CYP2B6: variants seen among roughly 807,000 people sequenced by gnomAD.
The protein encoded by CYP2B6 is cytochrome P450 family 2 subfamily B member 6.
In CYP2B6, 35 loss-of-function variants were observed where a neutral mutation model predicts 43.4. The ratio of observed to expected loss-of-function variants is 0.81; its 90% CI spans 0.62 to 1.07. The LOEUF (loss-of-function observed/expected upper bound fraction) is 1.07. CYP2B6 is among the 50% of genes least tolerant of loss of function. CYP2B6 has a pLI of 0.00. For synonymous variants in CYP2B6, 239 were observed against 239.2 expected (o/e 1.00, Z 0.01); for missense variants, 624 against 632.8 (o/e 0.99, Z 0.15).
At chr19:41,002,858 C>T (rs759274337) in intron 1 of CYP2B6, among the ~76,000 whole-genome samples, 4 of 152,052 alleles carry the variant, frequency 2.6e-5, no homozygotes, top group Non-Finnish European at 5.9e-5. Context: ...TGTGTTTGAA[C>T]TTCATACACA....
At chr19:41,004,598 G>A (rs896917373) in intron 3 of CYP2B6, 152 bp downstream of exon 3, 13 of 910,946 alleles carry the variant, frequency 1.4e-5, no homozygotes, top group Non-Finnish European at 1.6e-5. Context: ...AGACAGAGAG[G>A]GAGAGAGACA....
chr19:41,002,431 A>G (rs561011801), intron 1 of CYP2B6, among the ~76,000 whole-genome samples: 2 of 152,274 alleles, frequency 1.3e-5, no homozygotes, highest in East Asian at 3.9e-4. Flanking sequence ...TGTAATTGAC[A>G]TGCAGGCCAA....
At chr19:41,007,894 G>A (rs567666321) in intron 4 of CYP2B6, among the ~76,000 whole-genome samples, 193 of 152,140 alleles carry the variant, frequency 1.3e-3, no homozygotes, top group African/African-American at 4.5e-3. Context: ...CTAAAGTGCT[G>A]GAATTACAGG....
intron 1 of CYP2B6, among the ~76,000 whole-genome samples, chr19:41,002,165 C>T (rs1234930620): frequency 2.6e-5 from 4 of 151,944 alleles, no homozygotes; most frequent in African/African-American, 7.3e-5. Flanking sequence ...ATATTGTAGG[C>T]CTTGGTGAGC....
intron 8 of CYP2B6, among the ~76,000 whole-genome samples, chr19:41,014,796 CAG>C (rs1303972531): frequency 9.1e-4 from 133 of 146,570 alleles, no homozygotes; most frequent in African/African-American, 3.0e-3. Context: ...GAGAGAGACA[CAG>C]AGAGAGAGAG....
rs573872243 is a variant in CYP2B6 at position 41,003,924 on chromosome 19, A to G, written c.172-77A>G. 112 of 1,548,346 alleles carry G rather than the reference A, an allele frequency of 7.2e-5. 2 individuals are homozygous for G. The South Asian group carries it at 8.3e-4, about 11-fold the overall frequency. On this transcript the variant is annotated intron_variant, in intron 1 of 8. Coordinates refer to ENST00000324071, the MANE Select transcript of CYP2B6 (RefSeq NM_000767.5). ...GGGAGGGGCTAATTACCAATCTGGT[A>G]TGTAAGTATTTTGATAGTTTTACAA...
chr19:41,009,964 C>T, intron 5 of CYP2B6, 30 bp from the exon 6 acceptor site: 1 of 1,613,818 alleles, frequency 6.2e-7, no homozygotes, highest in Non-Finnish European at 8.5e-7. Flanking sequence ...CTCCCCTGAC[C>T]CTCCCCTTCC....
chr19:41,003,797 A>G, intron 1 of CYP2B6: 1 of 697,484 alleles, frequency 1.4e-6, no homozygotes, highest in South Asian at 1.6e-5. Flanking sequence ...AACGGAAACT[A>G]AGAACCCATG....
chr19:41,017,779 C>G lies in CYP2B6; in HGVS notation c.*952C>G, dbSNP rs1482218654. 1 of 152,174 alleles carries G rather than the reference C, an allele frequency of 6.6e-6. No individual in the cohort carries two copies. The highest frequency in any genetic ancestry group is 2.4e-5 in the African/African-American group (1 of 41,428). 9.4% of individuals were successfully genotyped at this position (152,174 alleles called of 1,614,324 possible). ...CCCCATTCTCTTTTTCATCTCGGCCCCTGTCAATCTGGTTTTTGTCACTAT... is the reference window on the plus strand; with the variant it reads ...CCCCATTCTCTTTTTCATCTCGGCCGCTGTCAATCTGGTTTTTGTCACTAT... On this transcript the variant is annotated 3_prime_UTR_variant, in exon 9 of 9. Coordinates refer to ENST00000324071, the MANE Select transcript of CYP2B6 (RefSeq NM_000767.5).
rs761312899 is a variant in CYP2B6, at chr19:41,012,802, C to G, written c.1281C>G (p.Ile427Met). ...CACTGAAAAAGACTGAAGCTTTTAT[C>G]CCCTTCTCCTTAGGTAAGCTGGACC... ...NGALKKTEAF[I>M]PFSLGKRICL... Residue 427 changes from isoleucine to methionine, a missense_variant, in exon 8 of 9, where the codon ATC (isoleucine) becomes ATG (methionine). Transcript: ENST00000324071. 3.1e-6 allele frequency: 5 copies of G among 1,614,150 alleles called. No homozygotes were observed. The highest frequency in any genetic ancestry group is 4.2e-6 in the Non-Finnish European group (5 of 1,180,030).
In CYP2B6 at chr19:41,012,707, C is replaced by G. The variant is rs1568563433; in HGVS notation, c.1186C>G (p.Leu396Val). 1.2e-6 allele frequency: 2 copies of G among 1,614,150 alleles called. No homozygotes were observed. Among genetic ancestry groups the G allele is most frequent in the Admixed American group, 3.3e-5 (2 of 60,028 alleles). Residue 396 changes from leucine (L) to valine (V), a missense_variant, in exon 8 of 9, where the codon CTC (leucine) becomes GTC (valine). By Grantham distance (32) the Leu-to-Val change is conservative. Coordinates refer to ENST00000324071, the MANE Select transcript of CYP2B6 (RefSeq NM_000767.5). Reference protein sequence around the residue: ...TEVFLILSTALHDPHYFEKPD... With the variant: ...TEVFLILSTAVHDPHYFEKPD... The stretch of plus-strand genomic sequence containing the variant: ...AGTATTTCTCATCCTGAGCACTGCT[C>G]TCCATGACCCACACTACTTTGAAAA...
At position 41,005,762 on chromosome 19, in the gene CYP2B6, T is replaced by C. The variant is rs144654117; in HGVS notation, c.485-1143T>C. Among the ~76,000 whole-genome samples, 1,337 of 151,942 alleles carry C rather than the reference T, an allele frequency of 8.8e-3. 13 individuals are homozygous for C. The highest frequency in any genetic ancestry group is 0.034 in the Middle Eastern group (10 of 294). ...CACTACTGCACTCCAGTCTGCATGA[T>C]AGAGTGAGACTCTGTCTCCAAAAAT... On this transcript the variant is annotated intron_variant, in intron 3 of 8. Transcript: ENST00000324071.
intron 1 of CYP2B6, among the ~76,000 whole-genome samples, chr19:40,993,961 T>G (rs967421862): frequency 2.6e-5 from 4 of 152,132 alleles, no homozygotes; most frequent in African/African-American, 9.7e-5. Context: ...CATCTCAGTT[T>G]GGAGAGTGGC....
At chr19:41,007,420 G>T in intron 4 of CYP2B6, 1 of 273,944 alleles carries the variant, frequency 3.7e-6, no homozygotes, top group South Asian at 5.4e-5. Context: ...GAACGAATAA[G>T]GCTTTGGGCT....
chr19:41,000,064 G>A (rs548843834), intron 1 of CYP2B6, among the ~76,000 whole-genome samples: 6 of 152,144 alleles, frequency 3.9e-5, no homozygotes, highest in South Asian at 4.2e-4. Flanking sequence ...TGTTTTTGTC[G>A]TTGTTATTGT....
At chr19:41,006,658 A>T (rs1188423656) in intron 3 of CYP2B6, among the ~76,000 whole-genome samples, 1 of 152,042 alleles carries the variant, frequency 6.6e-6, no homozygotes, top group East Asian at 1.9e-4. Flanking sequence ...AACTTTGGTC[A>T]AATTACTCAG....
intron 1 of CYP2B6, among the ~76,000 whole-genome samples, chr19:40,993,210 A>G (rs1968948658): frequency 6.6e-6 from 1 of 152,132 alleles, no homozygotes; most frequent in Non-Finnish European, 1.5e-5. Context: ...GAGACCCACT[A>G]GAAGAAACAT....
At chr19:41,010,844 T>C (rs1163781968) in intron 6 of CYP2B6, among the ~76,000 whole-genome samples, 1 of 152,134 alleles carries the variant, frequency 6.6e-6, no homozygotes, top group Non-Finnish European at 1.5e-5. Context: ...TCTCTCTGTG[T>C]CCATGTGTAC....
intron 4 of CYP2B6, among the ~76,000 whole-genome samples, chr19:41,007,924 A>C (rs537802363): frequency 1.3e-3 from 191 of 151,948 alleles, no homozygotes; most frequent in African/African-American, 4.4e-3. Context: ...CCATGCCCAG[A>C]CTGCTTCTGG....
Sources: allele counts gnomAD v4.1 joint callset (sites outside exome capture counted in the v4.1 genomes callset), GRCh38; gene constraint gnomAD v4.1.1; transcripts MANE v1.5; gene names NCBI Gene and HGNC (gene_info 2026-07-23, HGNC 2026-07-21).